The following CRNN variants were observed in gnomAD, a reference collection of about 807,000 sequenced individuals.
CRNN encodes the protein 53 kDa putative calcium-binding protein.
In CRNN, 39 loss-of-function variants were observed where a neutral mutation model predicts 44.7. The ratio of observed to expected loss-of-function variants is 0.87; its 90% confidence interval spans 0.68 to 1.14. The LOEUF (loss-of-function observed/expected upper bound fraction) is 1.14. CRNN is among the 50% of genes most tolerant of loss of function. CRNN has a pLI of 0.00. For missense variants in CRNN, 606 were observed against 605.1 expected, an observed-to-expected ratio of 1.00 and a Z score of -0.02; for synonymous variants, 240 against 231.8, an observed-to-expected ratio of 1.04 and a Z score of -0.32.
chr1:152,412,341 C>G, intron 1 of CRNN, 95 bp from the exon 2 acceptor site: 1 of 1,293,864 alleles, frequency 7.7e-7, no homozygotes, highest in Non-Finnish European at 1.1e-6. Flanking sequence ...CTTGCACGTT[C>G]AGCTCTGTTT....
chr1:152,412,022 G>T (rs1570966897), intron 2 of CRNN, 74 bp downstream of exon 2: 15 of 1,475,252 alleles, frequency 1.0e-5, no homozygotes, highest in Non-Finnish European at 1.4e-5. Flanking sequence ...AATTCCCCAG[G>T]CAAGGCCTCT....
rs757937042 is a variant in CRNN, at chr1:152,410,352, G to A, written c.730C>T (p.Gln244Ter). The change falls in exon 3 of 3, where the codon CAG (glutamine) becomes TAG (stop). Residue 244 changes from glutamine to a stop codon, truncating the protein, a stop_gained. Transcript: ENST00000271835. LOFTEE classifies it high-confidence loss of function. Reference sequence around the variant, plus strand: ...CTTCCTGTCTGGTGGCTGCTGTCCTGCTCCACAGTCTGGGTGGCACCTGCC... The same window carrying A: ...CTTCCTGTCTGGTGGCTGCTGTCCTACTCCACAGTCTGGGTGGCACCTGCC... ...TQAGATQTVE[Q>*]DSSHQTGRTS... 5.6e-6 allele frequency: 9 copies of A among 1,613,972 alleles called. No homozygotes were observed. The highest frequency in any genetic ancestry group is 5.5e-5 in the South Asian group (5 of 91,074).
Position 152,409,413 on chromosome 1 carries a change from G to T in CRNN, c.*181C>A. 1 of 1,172,746 alleles carries T rather than the reference G, an allele frequency of 8.5e-7. No individual in the cohort carries two copies. The highest frequency in any genetic ancestry group is 1.2e-6 in the Non-Finnish European group (1 of 862,250). The allele number at this position is 1,172,746 out of a possible 1,614,324, so 72.6% of individuals were successfully genotyped here. A position where few individuals can be genotyped will look rare whatever the true frequency, so the allele number is the denominator to read the frequency against. On this transcript the variant is annotated 3_prime_UTR_variant, in exon 3 of 3. Coordinates refer to ENST00000271835, the MANE Select transcript of CRNN (RefSeq NM_016190.3). ...AGGGTCTGCACCGCAAAGCAGGTAA[G>T]AAAGAAGAGTTCAGGATAGAAAGCT...
chr1:152,409,579 T>C lies in CRNN; in HGVS notation c.*15A>G, dbSNP rs773195214. On this transcript the variant is annotated 3_prime_UTR_variant, in exon 3 of 3. Coordinates refer to ENST00000271835, the MANE Select transcript of CRNN (RefSeq NM_016190.3). ...AGCTGTCTTCTTCCAGTACTGGACA[T>C]TGGAGTCGGGGAAGTCATGGCTTGG... The C allele has an allele frequency of 2.5e-6, 4 of 1,596,076 alleles. No individual in the cohort carries two copies. Among genetic ancestry groups the C allele is most frequent in the Middle Eastern group, 1.7e-4 (1 of 5,956 alleles).
At position 152,409,839 on chromosome 1, in the gene CRNN, G is replaced by C; in HGVS notation, c.1243C>G (p.Gln415Glu). The C allele has an allele frequency of 6.2e-7, 1 of 1,614,164 alleles. No individual in the cohort carries two copies. Among genetic ancestry groups the C allele is most frequent in the African/African-American group, 1.3e-5 (1 of 75,046 alleles). ...QTGASTESGR[Q>E]EWSSTHPRRC... ...CTTGGGTGAGTGCTGCTCCACTCCT[G>C]CCTTCCTGACTCAGTGCTTGCCCCA... The change falls in exon 3 of 3, where the codon CAG becomes GAG. Residue 415 changes from glutamine to glutamate, a missense_variant. Transcript: ENST00000271835.
chr1:152,412,061 T>TATGTCCCCTCTCCACCC, intron 2 of CRNN, 35 bp downstream of exon 2: 1 of 1,571,616 alleles, frequency 6.4e-7, no homozygotes, highest in Non-Finnish European at 8.7e-7. Context: ...ACTCTCCTGC[T>TATGTCCCCTCTCCACCC]ATGTCCCCTC....
rs1655845382 is a variant in CRNN, at chr1:152,414,221, C to G, written c.-21G>C. ...TCTTATGAGGGGACTTACCTAATGCCCAGGTGGGATGAAACAAGTGGCTGT... is the reference window on the plus strand; with the variant it reads ...TCTTATGAGGGGACTTACCTAATGCGCAGGTGGGATGAAACAAGTGGCTGT... On this transcript the variant is annotated 5_prime_UTR_variant, in exon 1 of 3. Transcript: ENST00000271835. The G allele has an allele frequency of 1.3e-5, 2 of 152,368 alleles. No individual in the cohort carries two copies. The highest frequency in any genetic ancestry group is 1.3e-4 in the Admixed American group (2 of 15,280). The allele number at this position is 152,368 out of a possible 1,614,324, so 9.4% of individuals were successfully genotyped here.
chr1:152,413,009 G>T (rs563925276), intron 1 of CRNN, among the ~76,000 whole-genome samples: 1 of 151,772 alleles, frequency 6.6e-6, no homozygotes, highest in Admixed American at 6.6e-5. Flanking sequence ...TGTTTTTTTT[G>T]GGAAAGTGGG....
chr1:152,409,816 T>TCACA lies in CRNN; in HGVS notation c.1265_1266insTGTG (p.Arg423ValfsTer19). ...CCTGCCCTTCTGTCACACAGCGCCT[T>TCACA]GGGTGAGTGCTGCTCCACTCCTGCC... On this transcript the variant is annotated frameshift_variant, in exon 3 of 3. Transcript: ENST00000271835. LOFTEE classifies it high-confidence loss of function. 6.2e-7 allele frequency: 1 copy of TCACA among 1,614,182 alleles called. No homozygotes were observed. Among genetic ancestry groups the TCACA allele is most frequent in the Non-Finnish European group, 8.5e-7 (1 of 1,180,016 alleles).
chr1:152,410,585 CTGCTGACCCACGCAGAGCCAGT>C lies in CRNN; in HGVS notation c.475_496del (p.Thr159AlafsTer14), dbSNP rs914815256. On this transcript the variant is annotated frameshift_variant, in exon 3 of 3. Transcript: ENST00000271835. LOFTEE classifies it high-confidence loss of function. ...CTGGGACTCAGCTTGCCTGTCATAG[CTGCTGACCCACGCAGAGCCAGT>C]GGCCTGACCCTGGGTCTGAACCCCA... The C allele has an allele frequency of 5.0e-6, 8 of 1,614,008 alleles. No homozygotes were observed. The African/African-American group carries it at 9.3e-5, about 19-fold the overall frequency.
At chr1:152,413,278 T>A (rs1228053975) in intron 1 of CRNN, among the ~76,000 whole-genome samples, 2 of 152,086 alleles carry the variant, frequency 1.3e-5, no homozygotes, top group Non-Finnish European at 2.9e-5. Flanking sequence ...TAGGTTGAGG[T>A]GAGGCCTGGG....
At chr1:152,412,460 T>G (rs563717089) in intron 1 of CRNN, among the ~76,000 whole-genome samples, 1 of 152,298 alleles carries the variant, frequency 6.6e-6, no homozygotes, top group African/African-American at 2.4e-5. Context: ...GCCCCACCAC[T>G]TAAGTATGGT....
intron 1 of CRNN, among the ~76,000 whole-genome samples, chr1:152,412,700 C>T (rs1355256223): frequency 2.0e-5 from 3 of 152,184 alleles, no homozygotes; most frequent in Admixed American, 1.3e-4. Context: ...TAATCACTTT[C>T]CTGTACATCA....
At position 152,410,596 on chromosome 1, in the gene CRNN, C is replaced by A; in HGVS notation, c.486G>T (p.Ala162=). 6.2e-7 allele frequency: 1 copy of A among 1,614,120 alleles called. No individual in the cohort carries two copies. The highest frequency in any genetic ancestry group is 8.5e-7 in the Non-Finnish European group (1 of 1,180,016). The change falls in exon 3 of 3, where the codon GCG becomes GCT. Residue 162 remains alanine, a synonymous_variant. Coordinates refer to ENST00000271835, the MANE Select transcript of CRNN (RefSeq NM_016190.3). The stretch of plus-strand genomic sequence containing the variant: ...CTTGCCTGTCATAGCTGCTGACCCA[C>A]GCAGAGCCAGTGGCCTGACCCTGGG... The part of the protein sequence containing the change: ...VQTQGQATGS[A]WVSSYDRQAE...
Position 152,410,673 on chromosome 1 carries a change from G to A in CRNN, c.409C>T (p.His137Tyr), listed in dbSNP as rs749035526. Residue 137 changes from histidine to tyrosine, a missense_variant, in exon 3 of 3, where the codon CAC becomes TAC. Transcript: ENST00000271835. The part of the protein sequence containing the change: ...GKGQHYEGSS[H>Y]RQSQQGSRGQ... ...CTGGAACCCTGCTGGCTCTGTCTGTGGCTGCTCCCCTCATAATGCTGCCCT... is the reference window on the plus strand; with the variant it reads ...CTGGAACCCTGCTGGCTCTGTCTGTAGCTGCTCCCCTCATAATGCTGCCCT... 2 of 1,613,998 alleles carry A rather than the reference G, an allele frequency of 1.2e-6. No individual in the cohort carries two copies. The highest frequency in any genetic ancestry group is 1.7e-6 in the Non-Finnish European group (2 of 1,179,938).
intron 1 of CRNN, among the ~76,000 whole-genome samples, chr1:152,413,189 C>T (rs1022498596): frequency 2.0e-5 from 3 of 152,178 alleles, no homozygotes; most frequent in African/African-American, 7.2e-5. Context: ...CTCCATCAGG[C>T]CCAGATTTCT....
intron 2 of CRNN, among the ~76,000 whole-genome samples, chr1:152,411,727 A>C (rs1923493): frequency 0.2 from 31,134 of 152,190 alleles, 3,676 homozygotes; most frequent in East Asian, 0.42. Context: ...GGATGATTAC[A>C]TTTCAGATAG....
rs1277019090 is a variant in CRNN, at chr1:152,410,574, G to A, written c.508C>T (p.Gln170Ter). The A allele has an allele frequency of 6.2e-7, 1 of 1,614,090 alleles. No homozygotes were observed. The highest frequency in any genetic ancestry group is 1.7e-5 in the Admixed American group (1 of 60,016). The change falls in exon 3 of 3, where the codon CAA becomes TAA. Residue 170 changes from glutamine (Q) to a stop codon, truncating the protein, a stop_gained. Transcript: ENST00000271835. LOFTEE classifies it high-confidence loss of function. The part of the protein sequence containing the change: ...GSAWVSSYDR[Q>*]AESQSQERIS... ...CTTTCCTGGCTCTGGGACTCAGCTTGCCTGTCATAGCTGCTGACCCACGCA... is the reference window on the plus strand; with the variant it reads ...CTTTCCTGGCTCTGGGACTCAGCTTACCTGTCATAGCTGCTGACCCACGCA...
rs1655676625 is a variant in CRNN, at chr1:152,409,387, G to A, written c.*207C>T. ...TTGCTCTGAGTCTTCCTGCTCCTGA[G>A]AGGGTCTGCACCGCAAAGCAGGTAA... is the stretch of plus-strand genomic sequence containing the variant. On this transcript the variant is annotated 3_prime_UTR_variant, in exon 3 of 3. Transcript: ENST00000271835. The A allele has an allele frequency of 1.2e-6, 1 of 857,074 alleles. No individual in the cohort carries two copies. The highest frequency in any genetic ancestry group is 3.1e-5 in the Admixed American group (1 of 32,562). The allele number at this position is 857,074 out of a possible 1,614,324, so 53.1% of individuals were successfully genotyped here.
Sources: allele counts gnomAD v4.1 joint callset (sites outside exome capture counted in the v4.1 genomes callset), GRCh38; gene constraint gnomAD v4.1.1; transcripts MANE v1.5; gene names NCBI Gene and HGNC (gene_info 2026-07-23, HGNC 2026-07-21).